TCF12: variants seen among roughly 807,000 people sequenced by gnomAD.
The protein encoded by TCF12 is DNA-binding protein HTF4.
In TCF12, 45 loss-of-function variants were observed where a neutral mutation model predicts 86.0. That is an observed-to-expected ratio of 0.52 (90% CI 0.41 to 0.67). The LOEUF (loss-of-function observed/expected upper bound fraction) is 0.67, where lower values mean the gene tolerates loss of function less well. Among genes scored for constraint, TCF12 ranks in the 30% least tolerant of loss-of-function variants. The probability of loss-of-function intolerance (pLI) is 0.00; values close to 1 mark genes in which losing one functional copy is unlikely to be tolerated. For missense variants in TCF12, 881 were observed against 859.9 expected (o/e 1.02, Z -0.31); for synonymous variants, 330 against 299.6 (o/e 1.10, Z -1.05).
intron 3 of TCF12, among the ~76,000 whole-genome samples, chr15:57,032,735 G>A (rs2066277439): frequency 6.6e-6 from 1 of 152,172 alleles, no homozygotes; most frequent in South Asian, 2.1e-4. Flanking sequence ...ATGAGCCACT[G>A]CCTCTGGCTG....
At chr15:57,265,970 G>A (rs1267256089) in intron 18 of TCF12, among the ~76,000 whole-genome samples, 1 of 152,010 alleles carries the variant, frequency 6.6e-6, no homozygotes, top group African/African-American at 2.4e-5. Flanking sequence ...AAATGTTATG[G>A]GCTCATAACT....
intron 3 of TCF12, among the ~76,000 whole-genome samples, chr15:56,978,612 C>G (rs1646630286): frequency 6.6e-6 from 1 of 152,158 alleles, no homozygotes; most frequent in African/African-American, 2.4e-5. Flanking sequence ...CATTATTTGT[C>G]TATACCTCAC....
intron 8 of TCF12, among the ~76,000 whole-genome samples, chr15:57,203,558 C>A (rs957923802): frequency 6.6e-6 from 1 of 152,102 alleles, no homozygotes; most frequent in African/African-American, 2.4e-5. Flanking sequence ...TTTTTCATAT[C>A]AAATATTAAC....
chr15:57,005,809 A>C (rs1305281015), intron 3 of TCF12, among the ~76,000 whole-genome samples: 1 of 152,038 alleles, frequency 6.6e-6, no homozygotes, highest in East Asian at 1.9e-4. Flanking sequence ...ACCTCAACCC[A>C]TTCTCCTGCC....
chr15:57,277,548 G>A (rs532795293), intron 19 of TCF12, among the ~76,000 whole-genome samples: 1 of 149,108 alleles, frequency 6.7e-6, no homozygotes, highest in East Asian at 2.0e-4. Flanking sequence ...AGAATCGCTT[G>A]AACCCAGGAG....
At chr15:57,055,335 C>T (rs1309060957) in intron 3 of TCF12, among the ~76,000 whole-genome samples, 4 of 152,064 alleles carry the variant, frequency 2.6e-5, no homozygotes, top group Non-Finnish European at 5.9e-5. Context: ...CTGGAGGCGG[C>T]GGTTGCAGTG....
intron 8 of TCF12, among the ~76,000 whole-genome samples, chr15:57,201,666 C>G (rs1195181800): frequency 6.6e-6 from 1 of 152,156 alleles, no homozygotes; most frequent in African/African-American, 2.4e-5. Context: ...AACAACTCAA[C>G]TGTTCTGGCC....
rs2051042255 is a variant in TCF12, at chr15:57,119,100, T to A, written c.325+27209T>A. On this transcript the variant is annotated intron_variant, in intron 5 of 20. Transcript: ENST00000333725. ...GCCTACCCTCACAGGTTTTCTTTCT[T>A]TTTTCTTTTTTGTGACGGAGTCTCA... Among the ~76,000 whole-genome samples, 3 of 152,068 alleles carry A rather than the reference T, an allele frequency of 2.0e-5. No individual in the cohort carries two copies. The South Asian group carries it at 6.2e-4, about 32-fold the overall frequency.
chr15:57,066,930 A>G (rs1369482694), intron 4 of TCF12, among the ~76,000 whole-genome samples: 1 of 152,242 alleles, frequency 6.6e-6, no homozygotes, highest in African/African-American at 2.4e-5. Flanking sequence ...TTTGCCTTAC[A>G]GGGTCCTGAC....
At chr15:57,257,698 TATATAG>T (rs1360969836) in intron 16 of TCF12, among the ~76,000 whole-genome samples, 4 of 114,688 alleles carry the variant, frequency 3.5e-5, no homozygotes, top group Non-Finnish European at 5.6e-5. Context: ...TATATATATA[TATATAG>T]TGGTACAGAC....
At chr15:57,055,439 G>C (rs78023453) in intron 3 of TCF12, among the ~76,000 whole-genome samples, 7,178 of 152,066 alleles carry the variant, frequency 0.047, 339 homozygotes, top group African/African-American at 0.13. Flanking sequence ...TCAGCCTGAA[G>C]AACTTCTTTT....
intron 3 of TCF12, among the ~76,000 whole-genome samples, chr15:57,062,710 G>A (rs2068552878): frequency 6.6e-6 from 1 of 151,974 alleles, no homozygotes; most frequent in East Asian, 1.9e-4. Flanking sequence ...TAAATTACAG[G>A]GAAATTACAG....
intron 12 of TCF12, among the ~76,000 whole-genome samples, chr15:57,237,854 G>A (rs1393127235): frequency 1.3e-5 from 2 of 152,172 alleles, no homozygotes; most frequent in Admixed American, 6.5e-5. Flanking sequence ...TAAACACTCA[G>A]AGATAAAGCT....
Position 57,175,918 on chromosome 15 carries a change from C to T in TCF12, c.390+9452C>T, listed in dbSNP as rs368911604. ...TTGTCATGTGTTGAGCTGTTAATGG[C>T]GTAGAACATTAAACCTTGGTAGATA... On this transcript the variant is annotated intron_variant, in intron 6 of 20. Transcript: ENST00000333725. Among the ~76,000 whole-genome samples, 11 of 151,958 alleles carry T rather than the reference C, an allele frequency of 7.2e-5. No individual in the cohort carries two copies. The South Asian group carries it at 8.3e-4, about 11-fold the overall frequency.
intron 19 of TCF12, among the ~76,000 whole-genome samples, chr15:57,278,060 T>C (rs756471971): frequency 6.6e-6 from 1 of 151,978 alleles, no homozygotes; most frequent in East Asian, 1.9e-4. Flanking sequence ...CTCAAACTCC[T>C]AGCACAAACG....
intron 3 of TCF12, among the ~76,000 whole-genome samples, chr15:56,923,905 T>G (rs1175487239): frequency 6.6e-6 from 1 of 152,150 alleles, no homozygotes; most frequent in African/African-American, 2.4e-5. Context: ...CAGACGTTTG[T>G]AACAGTATAG....
At chr15:57,022,329 G>A (rs1224859778) in intron 3 of TCF12, among the ~76,000 whole-genome samples, 1 of 151,594 alleles carries the variant, frequency 6.6e-6, no homozygotes, top group Non-Finnish European at 1.5e-5. Flanking sequence ...TTGGTTTTCT[G>A]TCCTTGTGAT....
chr15:56,978,029 C>T (rs1012967865), intron 3 of TCF12, among the ~76,000 whole-genome samples: 15 of 152,220 alleles, frequency 9.9e-5, no homozygotes, highest in Admixed American at 4.6e-4. Flanking sequence ...AAAATATGTA[C>T]GGTAACAAAG....
At chr15:57,080,890 A>G (rs2070581646) in intron 4 of TCF12, among the ~76,000 whole-genome samples, 1 of 152,146 alleles carries the variant, frequency 6.6e-6, no homozygotes. Context: ...AGGCCTCTGT[A>G]TGCATTTTCC....
Sources: gnomAD v4.1 joint callset for allele counts (sites outside exome capture counted in the v4.1 genomes callset) on GRCh38, gnomAD v4.1.1 for gene constraint, MANE v1.5 for transcripts, NCBI Gene and HGNC (gene_info 2026-07-23, HGNC 2026-07-21) for gene names.